PTPN21: variants seen among roughly 807,000 people sequenced by gnomAD.
PTPN21 encodes tyrosine-protein phosphatase non-receptor type 21.
PTPN21 carries 77 observed loss-of-function variants against 131.8 expected under a neutral mutation model. That is an observed-to-expected ratio of 0.58 (90% CI 0.49 to 0.71). The LOEUF (loss-of-function observed/expected upper bound fraction) is 0.71. Ranked by LOEUF, PTPN21 falls within the 30% of genes least tolerant of loss-of-function variation. PTPN21 has a pLI of 0.00. For missense variants in PTPN21, 1,552 were observed against 1,527.1 expected (o/e 1.02, Z -0.27); for synonymous variants, 715 against 621.3 (o/e 1.15, Z -2.24).
Position 88,472,483 on chromosome 14 carries a change from T to C in PTPN21, c.2650-18A>G. 2 of 1,486,456 alleles carry C rather than the reference T, an allele frequency of 1.3e-6. No individual in the cohort carries two copies. Among genetic ancestry groups the C allele is most frequent in the East Asian group, 2.3e-5 (1 of 44,226 alleles). 92.1% of individuals were successfully genotyped at this position (1,486,456 alleles called of 1,614,324 possible). A position where few individuals can be genotyped will look rare whatever the true frequency, so the allele number is the denominator to read the frequency against. ...ATTTTACACTATAAAACAGAATATG[T>C]GTAATAACATGAATACAGCCACACG... On this transcript the variant is annotated intron_variant, in intron 14 of 18. Transcript: ENST00000556564.
intron 10 of PTPN21, among the ~76,000 whole-genome samples, chr14:88,496,135 C>A (rs61975272): frequency 0.071 from 10,834 of 152,202 alleles, 536 homozygotes; most frequent in Non-Finnish European, 0.11. Context: ...TTTAATGACT[C>A]AAAATGCTTA....
At chr14:88,491,344 G>A (rs2077821190) in intron 10 of PTPN21, among the ~76,000 whole-genome samples, 1 of 152,110 alleles carries the variant, frequency 6.6e-6, no homozygotes, top group Admixed American at 6.5e-5. Context: ...GGGGTAAAGG[G>A]GACACCCTGG....
Position 88,529,799 on chromosome 14 carries a change from T to C in PTPN21, c.181-12538A>G, listed in dbSNP as rs140452856. On this transcript the variant is annotated intron_variant, in intron 2 of 18. Coordinates refer to ENST00000556564, the MANE Select transcript of PTPN21 (RefSeq NM_007039.4). ...GAGTTTGAGACCAGTCTGGCCAACA[T>C]GGTGAAGCCCCATCTCTACCAAAAA... 4.6e-3 allele frequency among the ~76,000 whole-genome samples: 695 copies of C among 152,094 alleles called. 6 individuals carry two copies. The highest frequency in any genetic ancestry group is 0.015 in the African/African-American group (641 of 41,482).
intron 2 of PTPN21, among the ~76,000 whole-genome samples, chr14:88,520,844 CATTATATTTT>C (rs1386568823): frequency 6.6e-6 from 1 of 152,014 alleles, no homozygotes; most frequent in Non-Finnish European, 1.5e-5. Context: ...ATTAGAAAAC[CATTATATTTT>C]ATTTTTTGAG....
intron 2 of PTPN21, among the ~76,000 whole-genome samples, chr14:88,544,724 G>A (rs1595419657): frequency 6.6e-6 from 1 of 152,276 alleles, no homozygotes; most frequent in South Asian, 2.1e-4. Flanking sequence ...AGGCACTGAA[G>A]CACCACTGAA....
In PTPN21 at chr14:88,467,677, A is replaced by G. The variant is rs537480511; in HGVS notation, c.*460T>C. ...ATACAAAGTTATATAGGAGCAACTC[A>G]TATCTGTGGATCATCCTTACACAAA... On this transcript the variant is annotated 3_prime_UTR_variant, in exon 19 of 19. Coordinates refer to ENST00000556564, the MANE Select transcript of PTPN21 (RefSeq NM_007039.4). The G allele has an allele frequency of 1.2e-5, 2 of 160,726 alleles. No individual in the cohort carries two copies. Among genetic ancestry groups the G allele is most frequent in the East Asian group, 3.8e-4 (2 of 5,254 alleles). 10.0% of individuals were successfully genotyped at this position (160,726 alleles called of 1,614,324 possible).
Position 88,517,104 on chromosome 14 carries a change from T to G in PTPN21, c.338A>C (p.Gln113Pro). 1 of 1,613,860 alleles carries G rather than the reference T, an allele frequency of 6.2e-7. No homozygotes were observed. Among genetic ancestry groups the G allele is most frequent in the Non-Finnish European group, 8.5e-7 (1 of 1,179,810 alleles). Residue 113 changes from glutamine (Q) to proline (P), a missense_variant, in exon 3 of 19, where the codon CAG (glutamine) becomes CCG (proline). By Grantham distance (76) the Gln-to-Pro change is moderately conservative. Coordinates refer to ENST00000556564, the MANE Select transcript of PTPN21 (RefSeq NM_007039.4). ...FYVPSVSQLQQEITRYQYYLQ... is the reference protein window; with the variant it reads ...FYVPSVSQLQPEITRYQYYLQ... ...TGTAATTTCTCACCTGGTAATCTCC[T>G]GCTGCAGCTGAGAAACTGAAGGCAC...
At chr14:88,525,727 G>GT (rs2139330555) in intron 2 of PTPN21, among the ~76,000 whole-genome samples, 1 of 152,188 alleles carries the variant, frequency 6.6e-6, no homozygotes, top group African/African-American at 2.4e-5. Flanking sequence ...TGAAAAACAG[G>GT]TGCTCAAGAA....
Position 88,504,510 on chromosome 14 carries a change from C to A in PTPN21, c.517-15G>T. 1.2e-6 allele frequency: 2 copies of A among 1,602,000 alleles called. No individual in the cohort carries two copies. The highest frequency in any genetic ancestry group is 1.7e-6 in the Non-Finnish European group (2 of 1,169,124). On this transcript the variant is annotated splice_polypyrimidine_tract_variant and intron_variant, in intron 5 of 18. Transcript: ENST00000556564. ...TGTAACCATCCCTGAAGAAAACACA[C>A]AGTGGTAAGTATGTGACAATTCACC... is the stretch of plus-strand genomic sequence containing the variant.
chr14:88,508,693 TAA>T (rs1331946407), intron 3 of PTPN21, among the ~76,000 whole-genome samples: 1 of 152,192 alleles, frequency 6.6e-6, no homozygotes, highest in East Asian at 1.9e-4. Context: ...CTTAGTAATA[TAA>T]GAGTTTGCTT....
In PTPN21 at chr14:88,480,169, A is replaced by G; in HGVS notation, c.1262T>C (p.Ile421Thr). 1 of 1,614,126 alleles carries G rather than the reference A, an allele frequency of 6.2e-7. No individual in the cohort carries two copies. The highest frequency in any genetic ancestry group is 8.5e-7 in the Non-Finnish European group (1 of 1,180,000). Residue 421 changes from isoleucine (I) to threonine (T), a missense_variant, in exon 13 of 19, where the codon ATC (isoleucine) becomes ACC (threonine). Transcript: ENST00000556564. ...QPSPMSSNPS[I>T]TGSDVMRPDY... ...AGGCCTCATGACGTCACTCCCGGTG[A>G]TGCTAGGGTTGGACGACATCGGCGA...
At chr14:88,518,289 C>A (rs2078318572) in intron 2 of PTPN21, among the ~76,000 whole-genome samples, 2 of 86,526 alleles carry the variant, frequency 2.3e-5, no homozygotes, top group African/African-American at 4.7e-5. Context: ...CACACATACG[C>A]ACACACACAC....
At chr14:88,481,414 C>T (rs143734538) in intron 12 of PTPN21, among the ~76,000 whole-genome samples, 1 of 152,306 alleles carries the variant, frequency 6.6e-6, no homozygotes, top group African/African-American at 2.4e-5. Context: ...CCTTTCCTCA[C>T]TGCTGCCACA....
At position 88,473,728 on chromosome 14, in the gene PTPN21, T is replaced by C. The variant is rs775754135; in HGVS notation, c.2586A>G (p.Leu862=). 1.9e-6 allele frequency: 3 copies of C among 1,611,612 alleles called. No homozygotes were observed. The highest frequency in any genetic ancestry group is 2.2e-5 in the South Asian group (2 of 90,456). ...CTTCATCAGGCAGAGGCACTCGAGATAGGGAGAGTCCATTTAGGGCAGCCA... is the reference window on the plus strand; with the variant it reads ...CTTCATCAGGCAGAGGCACTCGAGACAGGGAGAGTCCATTTAGGGCAGCCA... The part of the protein sequence containing the change: ...LKLAALNGLS[L]SRVPLPDEGK... Residue 862 remains leucine (L), a synonymous_variant, in exon 14 of 19, where the codon CTA becomes CTG. Coordinates refer to ENST00000556564, the MANE Select transcript of PTPN21 (RefSeq NM_007039.4).
chr14:88,544,984 C>A (rs773075950), intron 2 of PTPN21, among the ~76,000 whole-genome samples: 2 of 152,006 alleles, frequency 1.3e-5, no homozygotes, highest in Non-Finnish European at 2.9e-5. Context: ...TACACCATCA[C>A]GCATGGGTAA....
chr14:88,508,676 C>T (rs545999618), intron 3 of PTPN21, among the ~76,000 whole-genome samples: 61 of 152,276 alleles, frequency 4.0e-4, no homozygotes, highest in Non-Finnish European at 7.1e-4. Flanking sequence ...AAAACTCTGA[C>T]TAGTAACTTA....
Position 88,467,924 on chromosome 14 carries a change from T to C in PTPN21, c.*213A>G. ...GCAGGGCAAGGCCCTTGAAACCAAG[T>C]CCTCCTTGAGCACCTTTCCCAGGTT... On this transcript the variant is annotated 3_prime_UTR_variant, in exon 19 of 19. Transcript: ENST00000556564. The C allele has an allele frequency of 1.5e-6, 1 of 653,176 alleles. No homozygotes were observed. The highest frequency in any genetic ancestry group is 1.8e-5 in the South Asian group (1 of 54,164). The allele number at this position is 653,176 out of a possible 1,614,324, so 40.5% of individuals were successfully genotyped here.
At chr14:88,551,594 A>T (rs115413949) in intron 1 of PTPN21, 1 of 152,318 alleles carries the variant, frequency 6.6e-6, no homozygotes, top group African/African-American at 2.4e-5. Flanking sequence ...TAAAGGGACC[A>T]GCGCGTGCCC....
In PTPN21 at chr14:88,485,825, G is replaced by C; in HGVS notation, c.950C>G (p.Thr317Arg). ...NQCNLQTQTV[T>R]VNPIRRRSSS... ...AGACCTCCTCCTGATTGGGTTCACT[G>C]TGACAGTCTGAGTTTGCCTATAAAA... The change falls in exon 11 of 19, where the codon ACA becomes AGA. Residue 317 changes from threonine to arginine, a missense_variant. Transcript: ENST00000556564. 2 of 1,607,712 alleles carry C rather than the reference G, an allele frequency of 1.2e-6. No homozygotes were observed. The highest frequency in any genetic ancestry group is 1.7e-6 in the Non-Finnish European group (2 of 1,174,822).
Sources: gnomAD v4.1 joint callset for allele counts (sites outside exome capture counted in the v4.1 genomes callset) on GRCh38, gnomAD v4.1.1 for gene constraint, MANE v1.5 for transcripts, NCBI Gene and HGNC (gene_info 2026-07-23, HGNC 2026-07-21) for gene names.